TRDN: variants seen among roughly 807,000 people sequenced by gnomAD.
The protein encoded by TRDN is triadin, also known as triadin in skeletal muscle.
Under a neutral mutation model 149.7 loss-of-function variants are expected in TRDN, and 161 were observed. The ratio of observed to expected loss-of-function variants is 1.08; its 90% CI spans 0.95 to 1.23. The LOEUF (loss-of-function observed/expected upper bound fraction) is 1.23. Among genes scored for constraint, TRDN ranks in the 50% most tolerant of loss-of-function variants. The probability of loss-of-function intolerance (pLI) is 0.00; values close to 1 mark genes in which losing one functional copy is unlikely to be tolerated. For synonymous variants in TRDN, 294 were observed against 250.5 expected (o/e 1.17, Z -1.64); for missense variants, 896 against 823.5 (o/e 1.09, Z -1.08).
chr6:123,480,782 T>C (rs1777713765), intron 9 of TRDN, among the ~76,000 whole-genome samples: 1 of 152,116 alleles, frequency 6.6e-6, no homozygotes, highest in South Asian at 2.1e-4. Flanking sequence ...TCTCAAGAGA[T>C]AGGAGGCTTG....
chr6:123,331,479 T>C (rs1779655884), intron 23 of TRDN, among the ~76,000 whole-genome samples: 1 of 152,080 alleles, frequency 6.6e-6, no homozygotes, highest in African/African-American at 2.4e-5. Flanking sequence ...TAGGATTCTA[T>C]TATATATGAA....
At chr6:123,546,994 A>G (rs1313390223) in intron 4 of TRDN, among the ~76,000 whole-genome samples, 7 of 152,116 alleles carry the variant, frequency 4.6e-5, no homozygotes, top group Admixed American at 4.6e-4. Context: ...TTTAAAATCA[A>G]TAAATCTGAC....
chr6:123,223,738 G>T (rs1775249346), intron 39 of TRDN, among the ~76,000 whole-genome samples: 1 of 92,792 alleles, frequency 1.1e-5, no homozygotes, highest in African/African-American at 3.4e-5. Context: ...CCTTCCTGAT[G>T]GTGCTGCTAA....
intron 9 of TRDN, among the ~76,000 whole-genome samples, chr6:123,467,082 G>T (rs1776865019): frequency 6.6e-6 from 1 of 151,848 alleles, no homozygotes; most frequent in South Asian, 2.1e-4. Flanking sequence ...TTATATACCA[G>T]CACCAAAGAA....
chr6:123,532,001 A>G (rs1408305424), intron 4 of TRDN, among the ~76,000 whole-genome samples: 1 of 152,034 alleles, frequency 6.6e-6, no homozygotes, highest in Admixed American at 6.6e-5. Context: ...TGTCTCCTAC[A>G]GGGCAAAATG....
intron 12 of TRDN, among the ~76,000 whole-genome samples, chr6:123,419,359 A>T (rs1773798883): frequency 1.3e-5 from 2 of 152,132 alleles, no homozygotes; most frequent in African/African-American, 2.4e-5. Flanking sequence ...TAGCCTTTAC[A>T]CATGCATAAT....
In TRDN at chr6:123,506,701, C is replaced by A. The variant is rs566872997; in HGVS notation, c.611-2800G>T. ...ATGGGGTTTCACCATGTTGGCCAGG[C>A]TGGTCTTGAACTCCTGACCTCAGGC... On this transcript the variant is annotated intron_variant, in intron 7 of 40. Transcript: ENST00000334268. 2.9e-3 allele frequency among the ~76,000 whole-genome samples: 438 copies of A among 152,102 alleles called. 3 individuals carry two copies. The highest frequency in any genetic ancestry group is 9.9e-3 in the African/African-American group (411 of 41,510).
At chr6:123,470,746 C>G (rs1777106097) in intron 9 of TRDN, 1 of 152,208 alleles carries the variant, frequency 6.6e-6, no homozygotes, top group Non-Finnish European at 1.5e-5. Flanking sequence ...TAAAAGATCA[C>G]TGGCTGCTGT....
Position 123,636,787 on chromosome 6 carries a change from A to G in TRDN, c.-12T>C, listed in dbSNP as rs1786346393. ...GTGATCTCAGTCATGGTGGTCGTCA[A>G]AAGTAAAAGTCAGTTGAAAAGTTCC... On this transcript the variant is annotated 5_prime_UTR_variant, in exon 1 of 41. Transcript: ENST00000334268. 1.2e-6 allele frequency: 2 copies of G among 1,611,564 alleles called. No homozygotes were observed. Among genetic ancestry groups the G allele is most frequent in the Middle Eastern group, 1.7e-4 (1 of 6,034 alleles).
At chr6:123,331,160 T>C (rs1404588175) in intron 23 of TRDN, among the ~76,000 whole-genome samples, 1 of 152,044 alleles carries the variant, frequency 6.6e-6, no homozygotes, top group Non-Finnish European at 1.5e-5. Context: ...CAGAATATAC[T>C]TGGATTAGTT....
intron 4 of TRDN, among the ~76,000 whole-genome samples, chr6:123,535,427 G>A (rs962017791): frequency 6.6e-6 from 1 of 152,088 alleles, no homozygotes; most frequent in African/African-American, 2.4e-5. Flanking sequence ...GGCTGGTAGG[G>A]AGGTATGAGT....
chr6:123,458,540 C>T (rs1776264642), intron 10 of TRDN, among the ~76,000 whole-genome samples: 2 of 152,184 alleles, frequency 1.3e-5, no homozygotes, highest in South Asian at 4.1e-4. Flanking sequence ...CCTCAGACTG[C>T]CTGCATGCCC....
chr6:123,451,866 G>T (rs1775797903), intron 10 of TRDN, among the ~76,000 whole-genome samples: 1 of 152,016 alleles, frequency 6.6e-6, no homozygotes, highest in African/African-American at 2.4e-5. Context: ...CTAGCTAACG[G>T]AATCCAATAA....
intron 5 of TRDN, chr6:123,528,787 GT>G (rs1243182677): frequency 2.0e-6 from 2 of 993,118 alleles, no homozygotes; most frequent in South Asian, 4.5e-5. Flanking sequence ...GAAATCTTTT[GT>G]TCATATTCAC....
chr6:123,367,936 C>T (rs1480137620), intron 19 of TRDN, among the ~76,000 whole-genome samples: 1 of 152,138 alleles, frequency 6.6e-6, no homozygotes, highest in East Asian at 1.9e-4. Flanking sequence ...AAACAGAGTC[C>T]ATATGGCTCT....
Position 123,267,737 on chromosome 6 carries a change from G to T in TRDN, c.1753C>A (p.Arg585=). The change falls in exon 32 of 41, where the codon CGA becomes AGA. Residue 585 remains arginine, a synonymous_variant. Transcript: ENST00000334268. ...KPKPTKKAEH[R]EREPPSIKTD... ...TTTATAGATGGAGGTTCTCTTTCTC[G>T]ATGTTCAGCTTTTTCTAGAGAAAGA... 3 of 1,575,502 alleles carry T rather than the reference G, an allele frequency of 1.9e-6. No individual in the cohort carries two copies. The highest frequency in any genetic ancestry group is 2.6e-6 in the Non-Finnish European group (3 of 1,159,996).
chr6:123,307,127 C>A (rs1778639689), intron 24 of TRDN, among the ~76,000 whole-genome samples: 1 of 151,944 alleles, frequency 6.6e-6, no homozygotes, highest in African/African-American at 2.4e-5. Flanking sequence ...GAAAACCATC[C>A]TCCGGATTTG....
intron 38 of TRDN, among the ~76,000 whole-genome samples, chr6:123,251,597 G>GAAATTAAAATTACATATATGTAATTA (rs1204901070): frequency 2.7e-5 from 4 of 150,316 alleles, no homozygotes; most frequent in South Asian, 4.2e-4. Context: ...TTACACATAT[G>GAAATTAAAATTACATATATGTAATTA]AAATTAAAAT....
At chr6:123,348,691 A>T (rs1235693886) in intron 21 of TRDN, among the ~76,000 whole-genome samples, 1 of 152,140 alleles carries the variant, frequency 6.6e-6, no homozygotes, top group Non-Finnish European at 1.5e-5. Context: ...AAAGAGATAC[A>T]ACCTACTGTG....
Sources: gnomAD v4.1 joint callset for allele counts (sites outside exome capture counted in the v4.1 genomes callset) on GRCh38, gnomAD v4.1.1 for gene constraint, MANE v1.5 for transcripts, NCBI Gene and HGNC (gene_info 2026-07-23, HGNC 2026-07-21) for gene names.